Variants in TMEM108 observed in about 807,000 individuals in gnomAD.
TMEM108 encodes the protein transmembrane protein 108.
Under a neutral mutation model 35.1 loss-of-function variants are expected in TMEM108, and 12 were observed. The ratio of observed to expected loss-of-function variants is 0.34; its 90% CI spans 0.22 to 0.55. The LOEUF is 0.55. TMEM108 is among the 20% of genes least tolerant of loss of function. The pLI is 0.89. For synonymous variants in TMEM108, 287 were observed against 308.6 expected (o/e 0.93, Z 0.73); for missense variants, 680 against 753.3 (o/e 0.90, Z 1.14).
chr3:133,248,900 A>G (rs903809784), intron 3 of TMEM108, among the ~76,000 whole-genome samples: 4 of 152,192 alleles, frequency 2.6e-5, no homozygotes, highest in African/African-American at 9.7e-5. Flanking sequence ...CTTGAATTAA[A>G]TTAGCCTTCA....
chr3:133,170,306 A>G (rs1183627506), intron 2 of TMEM108, among the ~76,000 whole-genome samples: 1 of 152,234 alleles, frequency 6.6e-6, no homozygotes, highest in Non-Finnish European at 1.5e-5. Context: ...AGAAAAGACA[A>G]TGGAGGCCAC....
chr3:133,179,994 A>T (rs574757646), intron 2 of TMEM108, among the ~76,000 whole-genome samples: 4 of 152,118 alleles, frequency 2.6e-5, no homozygotes, highest in Non-Finnish European at 4.4e-5. Context: ...AAATATCTCG[A>T]AAACCATTAT....
intron 3 of TMEM108, among the ~76,000 whole-genome samples, chr3:133,309,159 A>G (rs1042182020): frequency 1.6e-4 from 25 of 152,112 alleles, no homozygotes; most frequent in African/African-American, 5.6e-4. Flanking sequence ...AGAGGTGTTT[A>G]TAGTATTCTC....
chr3:133,293,540 G>T (rs769540350), intron 3 of TMEM108, among the ~76,000 whole-genome samples: 2 of 151,780 alleles, frequency 1.3e-5, no homozygotes, highest in Non-Finnish European at 1.5e-5. Flanking sequence ...TCCTGGATTC[G>T]AGTGGATCTT....
At chr3:133,376,968 C>T (rs1230843984) in intron 3 of TMEM108, among the ~76,000 whole-genome samples, 3 of 152,110 alleles carry the variant, frequency 2.0e-5, no homozygotes, top group Non-Finnish European at 4.4e-5. Flanking sequence ...GGGTTGGAGT[C>T]CCCCGAGTCC....
intron 2 of TMEM108, among the ~76,000 whole-genome samples, chr3:133,204,095 G>A (rs1411416217): frequency 6.6e-6 from 1 of 152,072 alleles, no homozygotes; most frequent in African/African-American, 2.4e-5. Flanking sequence ...GGTGTTTATA[G>A]TATTCTCTGA....
chr3:133,146,345 G>A (rs1417125041), intron 2 of TMEM108, among the ~76,000 whole-genome samples: 2 of 152,198 alleles, frequency 1.3e-5, no homozygotes, highest in East Asian at 3.8e-4. Flanking sequence ...ACTATTTGAT[G>A]TACTGCTGGA....
intron 2 of TMEM108, among the ~76,000 whole-genome samples, chr3:133,145,262 T>G (rs936693009): frequency 6.6e-6 from 1 of 152,206 alleles, no homozygotes; most frequent in African/African-American, 2.4e-5. Context: ...TTGTCAAAGA[T>G]CAGATGGTTG....
intron 2 of TMEM108, among the ~76,000 whole-genome samples, chr3:133,206,986 C>T (rs1391271004): frequency 6.6e-6 from 1 of 152,204 alleles, no homozygotes; most frequent in Non-Finnish European, 1.5e-5. Flanking sequence ...GCCTTTCTTT[C>T]AGACATGCCC....
At chr3:133,078,159 GCACGCGCGCGCGCGCACA>G (rs750859628) in intron 2 of TMEM108, among the ~76,000 whole-genome samples, 22,866 of 140,564 alleles carry the variant, frequency 0.16, 1,905 homozygotes, top group African/African-American at 0.28. Flanking sequence ...GTGTGTGTGT[GCACGCGCGCGCGCGCACA>G]CGTGTGTGTG....
At chr3:133,275,079 T>G (rs1946820521) in intron 3 of TMEM108, among the ~76,000 whole-genome samples, 1 of 152,204 alleles carries the variant, frequency 6.6e-6, no homozygotes, top group Admixed American at 6.5e-5. Context: ...GAGGACTTAA[T>G]TATTTTAATG....
chr3:133,168,684 G>C (rs1310337134), intron 2 of TMEM108, among the ~76,000 whole-genome samples: 1 of 152,184 alleles, frequency 6.6e-6, no homozygotes, highest in Non-Finnish European at 1.5e-5. Context: ...GGGAATAAAA[G>C]CTGGCCACCT....
intron 5 of TMEM108, among the ~76,000 whole-genome samples, chr3:133,393,744 T>G (rs1036159549): frequency 1.3e-5 from 2 of 152,228 alleles, no homozygotes; most frequent in African/African-American, 4.8e-5. Context: ...CCCTGAACTT[T>G]AAATTTCTCA....
At chr3:133,177,529 C>G (rs1486845756) in intron 2 of TMEM108, among the ~76,000 whole-genome samples, 1 of 152,184 alleles carries the variant, frequency 6.6e-6, no homozygotes, top group Non-Finnish European at 1.5e-5. Context: ...AATCAATAAA[C>G]ATAATCCAGC....
chr3:133,261,322 G>A (rs924035878), intron 3 of TMEM108, among the ~76,000 whole-genome samples: 3 of 152,160 alleles, frequency 2.0e-5, no homozygotes, highest in Non-Finnish European at 2.9e-5. Context: ...GACCTCTGTG[G>A]ACATCAAGTT....
rs7617490 is a variant in TMEM108 at position 133,333,024 on chromosome 3, A to C, written c.41-46728A>C. On this transcript the variant is annotated intron_variant, in intron 3 of 5. Transcript: ENST00000321871. ...GCATATGCCATGGTGACAAGGCCCT[A>C]GCAAGCTCTATGTGGGTGCAGCACC... Among the ~76,000 whole-genome samples the C allele has an allele frequency of 2.3e-3, 353 of 152,202 alleles. 2 individuals carry two copies. Among genetic ancestry groups the C allele is most frequent in the African/African-American group, 8.0e-3 (331 of 41,528 alleles).
At chr3:133,369,194 G>A (rs1254987066) in intron 3 of TMEM108, among the ~76,000 whole-genome samples, 1 of 152,174 alleles carries the variant, frequency 6.6e-6, no homozygotes, top group African/African-American at 2.4e-5. Flanking sequence ...ATAGGAACAG[G>A]AACAGAGTGT....
chr3:133,358,784 G>T (rs2072255514), intron 3 of TMEM108, among the ~76,000 whole-genome samples: 1 of 152,056 alleles, frequency 6.6e-6, no homozygotes, highest in African/African-American at 2.4e-5. Flanking sequence ...TTTTGCTTCT[G>T]TTCACTTCTC....
intron 5 of TMEM108, among the ~76,000 whole-genome samples, chr3:133,394,294 G>C (rs4854721): frequency 0.34 from 52,427 of 152,106 alleles, 9,374 homozygotes; most frequent in East Asian, 0.46. Context: ...AAGTTCCTCA[G>C]TTGCCCTGCC....
Sources: allele counts gnomAD v4.1 joint callset (sites outside exome capture counted in the v4.1 genomes callset), GRCh38; gene constraint gnomAD v4.1.1; transcripts MANE v1.5; gene names NCBI Gene and HGNC (gene_info 2026-07-23, HGNC 2026-07-21).